Variants in IGF2R observed in about 807,000 individuals in gnomAD.
IGF2R encodes the protein insulin like growth factor 2 receptor, also known as cation-independent mannose-6-phosphate receptor.
In IGF2R, 91 loss-of-function variants were observed where a neutral mutation model predicts 270.6. That is an observed-to-expected ratio of 0.34 (90% CI 0.28 to 0.40). The LOEUF is 0.40. IGF2R is among the 10% of genes least tolerant of loss of function. The pLI is 1.00. For synonymous variants in IGF2R, 1,316 were observed against 1,258.9 expected, an observed-to-expected ratio of 1.05 and a Z score of -0.96; for missense variants, 2,805 against 3,188.3, an observed-to-expected ratio of 0.88 and a Z score of 2.90.
chr6:160,096,212 TAAAAC>T (rs959667391), intron 44 of IGF2R: 10 of 421,964 alleles, frequency 2.4e-5, no homozygotes, highest in Middle Eastern at 5.8e-4. Context: ...TACTCGTGGT[TAAAAC>T]AAAACAAAAA....
intron 44 of IGF2R, among the ~76,000 whole-genome samples, chr6:160,092,856 C>G (rs1443035076): frequency 6.6e-6 from 1 of 152,234 alleles, no homozygotes; most frequent in African/African-American, 2.4e-5. Flanking sequence ...CAGCACCAGC[C>G]ACAAAGATTT....
chr6:160,073,684 AT>A (rs1298152325), intron 34 of IGF2R, 72 bp from the exon 35 acceptor site: 32 of 1,300,570 alleles, frequency 2.5e-5, no homozygotes, highest in Non-Finnish European at 3.4e-5. Flanking sequence ...CAGCTTTTAA[AT>A]TCTTATGGAT....
At chr6:160,053,930 C>T (rs1489760325) in intron 19 of IGF2R, among the ~76,000 whole-genome samples, 1 of 152,244 alleles carries the variant, frequency 6.6e-6, no homozygotes, top group African/African-American at 2.4e-5. Context: ...GTGGCCCAAG[C>T]TGGTCTTAGA....
intron 1 of IGF2R, among the ~76,000 whole-genome samples, chr6:159,970,116 C>G (rs113340184): frequency 6.6e-5 from 10 of 152,092 alleles, no homozygotes; most frequent in African/African-American, 2.2e-4. Context: ...TCTAGTGGAT[C>G]TTGCTCTGGG....
At chr6:160,040,792 T>C (rs1438686969) in intron 11 of IGF2R, 68 bp downstream of exon 11, 1 of 1,477,604 alleles carries the variant, frequency 6.8e-7, no homozygotes, top group East Asian at 2.3e-5. Flanking sequence ...TGAGTACTTT[T>C]GGAAATGCGG....
rs201372819 is a variant in IGF2R at position 160,090,008 on chromosome 6, C to T, written c.6560C>T (p.Ala2187Val). The change falls in exon 44 of 48, where the codon GCG becomes GTG. Residue 2187 changes from alanine to valine, a missense_variant. Coordinates refer to ENST00000356956, the MANE Select transcript of IGF2R (RefSeq NM_000876.4). ...TCCATCACAAGCTCCAGAAACCCGG[C>T]GTGCTCTGGAGCCAACATATGCCAG... is the stretch of plus-strand genomic sequence containing the variant. The part of the protein sequence containing the change: ...LSSITSSRNP[A>V]CSGANICQVK... 1.9e-5 allele frequency: 30 copies of T among 1,606,380 alleles called. No homozygotes were observed. Among genetic ancestry groups the T allele is most frequent in the African/African-American group, 2.7e-5 (2 of 74,796 alleles).
chr6:160,073,488 A>G lies in IGF2R; in HGVS notation c.4947+19A>G, dbSNP rs1363721489. ...GCAAGCGGTGAGTTTTCAGATGGGC[A>G]CGGGAGAAGTGCATGTCCAGTGCCT... On this transcript the variant is annotated intron_variant, in intron 34 of 47. Transcript: ENST00000356956. 30 of 1,613,098 alleles carry G rather than the reference A, an allele frequency of 1.9e-5. No individual in the cohort carries two copies. Among genetic ancestry groups the G allele is most frequent in the Non-Finnish European group, 2.5e-5 (29 of 1,179,508 alleles).
At chr6:160,029,740 G>GTGGGCCTGGA (rs1366454027) in intron 7 of IGF2R, 85 bp downstream of exon 7, 3 of 913,694 alleles carry the variant, frequency 3.3e-6, no homozygotes, top group Non-Finnish European at 5.3e-6. Flanking sequence ...TTGGGGCAGG[G>GTGGGCCTGGA]TGGGCCTGGA....
chr6:160,065,040 G>T, intron 29 of IGF2R, 139 bp downstream of exon 29: 2 of 640,150 alleles, frequency 3.1e-6, no homozygotes, highest in South Asian at 1.8e-5. Flanking sequence ...ATTAAAATGA[G>T]GAGTCGGGCT....
intron 1 of IGF2R, among the ~76,000 whole-genome samples, chr6:159,975,066 C>T (rs1291425274): frequency 6.6e-6 from 1 of 152,130 alleles, no homozygotes; most frequent in Non-Finnish European, 1.5e-5. Flanking sequence ...AATTCCTGAC[C>T]CTGTCTACCT....
Position 160,084,221 on chromosome 6 carries a change from C to T in IGF2R, c.6068+37C>T. 1 of 1,275,526 alleles carries T rather than the reference C, an allele frequency of 7.8e-7. No individual in the cohort carries two copies. The highest frequency in any genetic ancestry group is 1.1e-6 in the Non-Finnish European group (1 of 874,358). 79.0% of individuals were successfully genotyped at this position (1,275,526 alleles called of 1,614,324 possible). A position where few individuals can be genotyped will look rare whatever the true frequency, so the allele number is the denominator to read the frequency against. ...CCCAGTCCACCCGCGGCGCCACACCCTCAGCATGTGAACTTCAGACTGCTT... is the reference window on the plus strand; with the variant it reads ...CCCAGTCCACCCGCGGCGCCACACCTTCAGCATGTGAACTTCAGACTGCTT... On this transcript the variant is annotated intron_variant, in intron 40 of 47. Coordinates refer to ENST00000356956, the MANE Select transcript of IGF2R (RefSeq NM_000876.4). The surrounding 1 kb of genome is among the most constrained non-coding windows in gnomAD (Gnocchi z 4.6).
chr6:159,995,370 T>G (rs547626795), intron 2 of IGF2R, among the ~76,000 whole-genome samples: 10 of 152,270 alleles, frequency 6.6e-5, no homozygotes, highest in African/African-American at 2.2e-4. Flanking sequence ...GGATCATTTT[T>G]TTTTTTAAAT....
intron 1 of IGF2R, among the ~76,000 whole-genome samples, chr6:159,986,104 C>T (rs1331972617): frequency 6.6e-6 from 1 of 152,114 alleles, no homozygotes; most frequent in Non-Finnish European, 1.5e-5. Context: ...TCTCCCCGCT[C>T]CTCTCCTGTG....
At chr6:160,054,290 G>A (rs1357186287) in intron 19 of IGF2R, among the ~76,000 whole-genome samples, 1 of 152,208 alleles carries the variant, frequency 6.6e-6, no homozygotes, top group Non-Finnish European at 1.5e-5. Flanking sequence ...CATGTATGCA[G>A]CATGTGTCCC....
At chr6:160,096,406 T>C in intron 44 of IGF2R, 33 bp from the exon 45 acceptor site, 1 of 1,583,866 alleles carries the variant, frequency 6.3e-7, no homozygotes, top group Non-Finnish European at 8.6e-7. Flanking sequence ...AAAATGATGG[T>C]GACATGCCAT....
chr6:160,080,832 T>G (rs578125211), intron 39 of IGF2R, among the ~76,000 whole-genome samples: 1 of 151,898 alleles, frequency 6.6e-6, no homozygotes, highest in African/African-American at 2.4e-5. Context: ...AATTACTAAT[T>G]TTTGGCCAGG....
chr6:160,086,055 C>G (rs1779091678), intron 41 of IGF2R, among the ~76,000 whole-genome samples: 2 of 152,224 alleles, frequency 1.3e-5, no homozygotes, highest in African/African-American at 4.8e-5. Context: ...CTAGTCTTTC[C>G]CCAACTTCAG....
chr6:160,001,873 T>C (rs1248316353), intron 2 of IGF2R, among the ~76,000 whole-genome samples: 1 of 152,236 alleles, frequency 6.6e-6, no homozygotes, highest in East Asian at 1.9e-4. Flanking sequence ...ATACATTTTA[T>C]ATGCATTTGA....
At chr6:160,012,765 T>TATATATATATATATATATATATATATATA (rs1562343074) in intron 4 of IGF2R, among the ~76,000 whole-genome samples, 5 of 76,598 alleles carry the variant, frequency 6.5e-5, no homozygotes, top group Admixed American at 1.2e-4. Flanking sequence ...ATATATATAT[T>TATATATATATATATATATATATATATATA]TTTTTTTTTT....
Sources: allele counts gnomAD v4.1 joint callset (sites outside exome capture counted in the v4.1 genomes callset), GRCh38; gene constraint gnomAD v4.1.1; non-coding constraint Gnocchi (gnomAD v3.1); transcripts MANE v1.5; gene names NCBI Gene and HGNC (gene_info 2026-07-23, HGNC 2026-07-21).